Variants in CORO7 observed in about 807,000 individuals in gnomAD.
CORO7 encodes the protein coronin 7, also known as coronin-7.
Under a neutral mutation model 126.6 loss-of-function variants are expected in CORO7, and 107 were observed. That is an observed-to-expected ratio of 0.85 (90% confidence interval 0.72 to 0.99). The LOEUF is 0.99. Among genes scored for constraint, CORO7 ranks in the 50% least tolerant of loss-of-function variants. The pLI, the probability that CORO7 is intolerant of heterozygous loss-of-function variation, is 0.00. For synonymous variants in CORO7, 603 were observed against 536.8 expected (o/e 1.12, Z -1.70); for missense variants, 1,314 against 1,255.8 (o/e 1.05, Z -0.70).
At chr16:4,400,978 A>G (rs1468988363) in intron 6 of CORO7, among the ~76,000 whole-genome samples, 1 of 152,124 alleles carries the variant, frequency 6.6e-6, no homozygotes, top group African/African-American at 2.4e-5. Context: ...GTTCTCGAAA[A>G]TAGTCCATCA....
chr16:4,396,775 C>A (rs528002554), intron 6 of CORO7, among the ~76,000 whole-genome samples: 2 of 151,720 alleles, frequency 1.3e-5, no homozygotes, highest in African/African-American at 4.8e-5. Context: ...CAGCACTTTG[C>A]GAGGCTGAGG....
chr16:4,357,485 G>C, intron 25 of CORO7: 1 of 489,520 alleles, frequency 2.0e-6, no homozygotes, highest in Non-Finnish European at 3.5e-6. Context: ...TCAGCCTCTG[G>C]AGTAGTTGGG....
intron 5 of CORO7, 41 bp downstream of exon 5, chr16:4,407,460 G>A: frequency 1.3e-6 from 2 of 1,550,920 alleles, no homozygotes; most frequent in Non-Finnish European, 1.7e-6. Flanking sequence ...GCTGTCCAGA[G>A]TGGGGCTGCC....
At chr16:4,387,547 T>TCCACCC (rs2055236167) in intron 9 of CORO7, among the ~76,000 whole-genome samples, 4 of 73,008 alleles carry the variant, frequency 5.5e-5, no homozygotes, top group South Asian at 5.0e-4. Flanking sequence ...CACCTCCACC[T>TCCACCC]CCACCCCCAC....
chr16:4,375,180 T>C (rs1027009661), intron 9 of CORO7, among the ~76,000 whole-genome samples: 1 of 152,210 alleles, frequency 6.6e-6, no homozygotes, highest in Non-Finnish European at 1.5e-5. Flanking sequence ...CTGGTCTCCC[T>C]GCCCTGGGCT....
chr16:4,404,531 G>A (rs2055925435), intron 6 of CORO7, among the ~76,000 whole-genome samples: 2 of 152,104 alleles, frequency 1.3e-5, no homozygotes, highest in African/African-American at 4.8e-5. Flanking sequence ...GCCCCTCTGG[G>A]CCCAGACTCC....
chr16:4,378,321 G>C (rs2054824157), intron 9 of CORO7, among the ~76,000 whole-genome samples: 1 of 152,166 alleles, frequency 6.6e-6, no homozygotes, highest in African/African-American at 2.4e-5. Flanking sequence ...AGGCCCAAGG[G>C]GAGCTGCGGC....
Position 4,362,889 on chromosome 16 carries a change from G to C in CORO7, c.1276-151C>G. On this transcript the variant is annotated intron_variant, in intron 14 of 27. Transcript: ENST00000251166. This position sits in a 1 kb window ranked among gnomAD's most constrained non-coding sequence, Gnocchi z 5.3. ...ATGCGACAGGAGCGGCGGGGGGCAC[G>C]GGCATAAACGCAGACACACAGGGAA... The C allele has an allele frequency of 1.1e-6, 1 of 909,268 alleles. No homozygotes were observed. The allele number at this position is 909,268 out of a possible 1,614,324, so 56.3% of individuals were successfully genotyped here. A position where few individuals can be genotyped will look rare whatever the true frequency, so the allele number is the denominator to read the frequency against.
intron 9 of CORO7, among the ~76,000 whole-genome samples, chr16:4,377,957 C>T (rs1424974670): frequency 1.3e-5 from 2 of 152,190 alleles, no homozygotes; most frequent in African/African-American, 2.4e-5. Context: ...TACCTGTCAG[C>T]CGGAAAGCCA....
chr16:4,355,167 G>T lies in CORO7; in HGVS notation c.2773-4C>A. The T allele has an allele frequency of 6.5e-7, 1 of 1,537,172 alleles. No homozygotes were observed. The highest frequency in any genetic ancestry group is 8.8e-7 in the Non-Finnish European group (1 of 1,137,974). On this transcript the variant is annotated splice_region_variant and splice_polypyrimidine_tract_variant and intron_variant, in intron 27 of 27. Transcript: ENST00000251166. ...GTGACGGGGGCGCAGGCTAGTCCTG[G>T]GGCGAAACACCAAGAGGTGGGAGGG...
intron 13 of CORO7, 47 bp downstream of exon 13, chr16:4,364,550 C>T (rs2054285193): frequency 6.5e-7 from 1 of 1,532,342 alleles, no homozygotes; most frequent in Admixed American, 2.0e-5. Flanking sequence ...CACGGGGCTA[C>T]CAGGGACTCG....
intron 3 of CORO7, 140 bp downstream of exon 3, chr16:4,412,216 C>G: frequency 1.1e-6 from 1 of 880,146 alleles, no homozygotes; most frequent in Non-Finnish European, 1.8e-6. Context: ...GCCCCACTGT[C>G]TCTCAGAGAG....
intron 7 of CORO7, 116 bp from the exon 8 acceptor site, chr16:4,388,747 A>T: frequency 9.0e-7 from 1 of 1,110,128 alleles, no homozygotes; most frequent in Non-Finnish European, 1.3e-6. Context: ...AGCCTCACAG[A>T]GGGTGGGAAG....
intron 3 of CORO7, among the ~76,000 whole-genome samples, chr16:4,411,155 C>A (rs531175529): frequency 3.5e-4 from 53 of 152,284 alleles, no homozygotes; most frequent in South Asian, 6.2e-4. Context: ...TTTGGGAGGC[C>A]AAGGCGGGAG....
intron 5 of CORO7, among the ~76,000 whole-genome samples, chr16:4,406,888 C>G (rs1271508859): frequency 1.3e-5 from 2 of 150,644 alleles, no homozygotes; most frequent in East Asian, 4.0e-4. Context: ...ATCCACCCGC[C>G]TTGGCCTCCC....
rs1304484230 is a variant in CORO7, at chr16:4,365,014, G to A, written c.887C>T (p.Ala296Val). 2 of 1,605,822 alleles carry A rather than the reference G, an allele frequency of 1.2e-6. No individual in the cohort carries two copies. ...GAAGCAAGGCTTACCTGGGCTCAGC[G>A]CCGGCTGCTGCGGGACCACCTCGTA... ...YCYEVVPQQP[A>V]LSPVTQCVLE... Residue 296 changes from alanine (A) to valine (V), a missense_variant, in exon 11 of 28, where the codon GCG becomes GTG. Physicochemically the swap from Ala to Val is moderately conservative, Grantham distance 64 (BLOSUM62 0). Transcript: ENST00000251166.
At chr16:4,416,188 G>A (rs1380119689) in intron 1 of CORO7, among the ~76,000 whole-genome samples, 2 of 152,238 alleles carry the variant, frequency 1.3e-5, no homozygotes, top group East Asian at 1.9e-4. Flanking sequence ...GGGCTGCGCC[G>A]CCTCGGGGGT....
intron 26 of CORO7, chr16:4,355,681 G>A (rs934230187): frequency 1.3e-5 from 4 of 302,808 alleles, no homozygotes; most frequent in African/African-American, 6.4e-5. Context: ...GTGTTAGCCA[G>A]GATGGTCTCG....
At chr16:4,391,717 C>A (rs1046592261) in intron 7 of CORO7, among the ~76,000 whole-genome samples, 1 of 152,230 alleles carries the variant, frequency 6.6e-6, no homozygotes, top group African/African-American at 2.4e-5. Flanking sequence ...GGCGACAGAG[C>A]GAGACCCGTT....
Sources: gnomAD v4.1 joint callset for allele counts (sites outside exome capture counted in the v4.1 genomes callset) on GRCh38, gnomAD v4.1.1 for gene constraint, Gnocchi (gnomAD v3.1) non-coding constraint, MANE v1.5 for transcripts, NCBI Gene and HGNC (gene_info 2026-07-23, HGNC 2026-07-21) for gene names.